MAGEB1: variants seen among roughly 807,000 people sequenced by gnomAD.
MAGEB1 encodes the protein melanoma-associated antigen B1.
For missense variants in MAGEB1, 290 were observed against 286.7 expected (o/e 1.01, Z -0.08); for synonymous variants, 99 against 105.7 (o/e 0.94, Z 0.39).
chrX:30,246,353 A>G (rs561700421), upstream of MAGEB1: 1 of 112,515 alleles, frequency 8.9e-6, no homozygotes, highest in African/African-American at 3.2e-5. Context: ...CTCAGAAAAC[A>G]GGACCTTGAT....
At position 30,250,570 on chromosome X, in the gene MAGEB1, A is replaced by G. The variant is rs140757786; in HGVS notation, c.77A>G (p.Lys26Arg). ...RKAREETQGL[K>R]VAHATAAEKE... ...GCGCGAGAGGAGACCCAGGGTCTCA[A>G]GGTTGCTCACGCCACTGCAGCAGAG... is the stretch of plus-strand genomic sequence containing the variant. The change falls in exon 2 of 2, where the codon AAG (lysine) becomes AGG (arginine). Residue 26 changes from lysine (K) to arginine (R), a missense_variant. Lys to Arg is a conservative substitution (Grantham distance 26). Coordinates refer to ENST00000397548, the MANE Select transcript of MAGEB1 (RefSeq NM_177404.3). 24 of 1,207,462 alleles carry G rather than the reference A, an allele frequency of 2.0e-5. No homozygotes were observed. The African/African-American group carries it at 3.7e-4, about 18-fold the overall frequency.
In MAGEB1 at chrX:30,251,745, A is replaced by G. The variant is rs1355634227; in HGVS notation, c.*208A>G. 11 of 382,252 alleles carry G rather than the reference A, an allele frequency of 2.9e-5. No individual in the cohort carries two copies. The highest frequency in any genetic ancestry group is 5.0e-5 in the Non-Finnish European group (11 of 218,609). The allele number at this position is 382,252 out of a possible 1,213,427, so 31.5% of individuals were successfully genotyped here. Reference sequence around the variant, plus strand: ...TATGAGCGACATGGATCACACATTTATTGGTGCTGCCAGCTTTAAGCATAT... The same window carrying G: ...TATGAGCGACATGGATCACACATTTGTTGGTGCTGCCAGCTTTAAGCATAT... On this transcript the variant is annotated 3_prime_UTR_variant, in exon 2 of 2. Transcript: ENST00000397548.
At chrX:30,248,117 AAG>A (rs1242875457) in intron 1 of MAGEB1, among the ~76,000 whole-genome samples, 1 of 110,670 alleles carries the variant, frequency 9.0e-6, no homozygotes, top group Non-Finnish European at 1.9e-5. Flanking sequence ...GAGTCCCAGA[AAG>A]AGTGCTGAGT....
Position 30,251,467 on chromosome X carries a change from G to A in MAGEB1, c.974G>A (p.Arg325His), listed in dbSNP as rs769417412. Residue 325 changes from arginine (R) to histidine (H), a missense_variant, in exon 2 of 2, where the codon CGT becomes CAT. Physicochemically the swap from Arg to His is conservative, Grantham distance 29. Transcript: ENST00000397548. ...GTCCGATCCAGTGTTAGAGCCAGGC[G>A]TCGCACTACTGCCACGACTTTTAGA... The part of the protein sequence containing the change: ...AQVRSSVRAR[R>H]RTTATTFRAR... 8.3e-6 allele frequency: 10 copies of A among 1,210,062 alleles called. No individual in the cohort carries two copies. The highest frequency in any genetic ancestry group is 5.9e-5 in the East Asian group (2 of 33,778).
At chrX:30,243,913 A>G (rs979838713), upstream of MAGEB1, 12 of 124,521 alleles carry the variant, frequency 9.6e-5, no homozygotes, top group Non-Finnish European at 1.9e-4. Context: ...AAAATGATTT[A>G]TCTTTTCTTT....
chrX:30,250,759 A>G lies in MAGEB1; in HGVS notation c.266A>G (p.Glu89Gly), dbSNP rs956328546. The change falls in exon 2 of 2, where the codon GAA (glutamate) becomes GGA (glycine). Residue 89 changes from glutamate (E) to glycine (G), a missense_variant. Glu to Gly is a moderately conservative substitution (Grantham distance 98). Transcript: ENST00000397548. ...GAAGGTGCCAAATGCCAAGGTGAGG[A>G]AAATGCAAGTTTCTCCCAGGCCACA... ...SDEGAKCQGE[E>G]NASFSQATTS... 5.0e-6 allele frequency: 6 copies of G among 1,210,202 alleles called. No homozygotes were observed. In the Admixed American group the frequency reaches 6.5e-5, roughly 13 times the overall value.
At chrX:30,249,069 G>A (rs1925419433) in intron 1 of MAGEB1, among the ~76,000 whole-genome samples, 1 of 111,299 alleles carries the variant, frequency 9.0e-6, no homozygotes, top group South Asian at 3.9e-4. Context: ...GAAGTACCCA[G>A]ATGTGTCATC....
chrX:30,249,820 A>G (rs1925446944), intron 1 of MAGEB1, among the ~76,000 whole-genome samples: 1 of 110,659 alleles, frequency 9.0e-6, no homozygotes, highest in African/African-American at 3.3e-5. Flanking sequence ...CCCCACCCCA[A>G]ATAGAGGAAA....
chrX:30,251,241 G>A lies in MAGEB1; in HGVS notation c.748G>A (p.Val250Met), dbSNP rs750337676. Residue 250 changes from valine (V) to methionine (M), a missense_variant, in exon 2 of 2, where the codon GTG (valine) becomes ATG (methionine). Coordinates refer to ENST00000397548, the MANE Select transcript of MAGEB1 (RefSeq NM_177404.3). ...EPRKFITQDLVQEKYLKYEQV... is the reference protein window; with the variant it reads ...EPRKFITQDLMQEKYLKYEQV... ...CCGTAAGTTCATCACCCAAGATCTG[G>A]TGCAGGAAAAATATCTGAAGTACGA... The A allele has an allele frequency of 8.2e-7, 1 of 1,212,190 alleles. No homozygotes were observed. The highest frequency in any genetic ancestry group is 3.0e-5 in the East Asian group (1 of 33,858).
Position 30,250,873 on chromosome X carries a change from A to G in MAGEB1, c.380A>G (p.Glu127Gly). The change falls in exon 2 of 2, where the codon GAG (glutamate) becomes GGG (glycine). Residue 127 changes from glutamate to glycine, a missense_variant. Coordinates refer to ENST00000397548, the MANE Select transcript of MAGEB1 (RefSeq NM_177404.3). ...HFILRKYKMR[E>G]PIMKADMLKV... Reference sequence around the variant, plus strand: ...ATTCTACGTAAGTATAAAATGAGAGAGCCCATTATGAAGGCAGATATGCTG... The same window carrying G: ...ATTCTACGTAAGTATAAAATGAGAGGGCCCATTATGAAGGCAGATATGCTG... The G allele has an allele frequency of 8.3e-7, 1 of 1,212,071 alleles. No individual in the cohort carries two copies. Among genetic ancestry groups the G allele is most frequent in the Non-Finnish European group, 1.1e-6 (1 of 895,378 alleles).
In MAGEB1 at chrX:30,250,645, G is replaced by A. The variant is rs1925481926; in HGVS notation, c.152G>A (p.Ser51Asn). The change falls in exon 2 of 2, where the codon AGC becomes AAC. Residue 51 changes from serine (S) to asparagine (N), a missense_variant. Coordinates refer to ENST00000397548, the MANE Select transcript of MAGEB1 (RefSeq NM_177404.3). ...SSPVLGDTPT[S>N]SPAAGIPQKP... ...CCTGTTTTAGGGGATACTCCCACAA[G>A]CTCCCCTGCTGCTGGCATTCCCCAG... is the stretch of plus-strand genomic sequence containing the variant. The A allele has an allele frequency of 1.7e-6, 2 of 1,209,501 alleles. No individual in the cohort carries two copies. Among genetic ancestry groups the A allele is most frequent in the Non-Finnish European group, 2.2e-6 (2 of 894,783 alleles).
chrX:30,247,946 GAAAAA>G (rs57368527), intron 1 of MAGEB1, among the ~76,000 whole-genome samples: 7 of 45,936 alleles, frequency 1.5e-4, no homozygotes, highest in Admixed American at 3.4e-4. Context: ...TCAGTCTCAA[GAAAAA>G]AAAAAAAAAA....
In MAGEB1 at chrX:30,251,807, CT is replaced by C; in HGVS notation, c.*276del. 1.7e-5 allele frequency: 5 copies of C among 289,438 alleles called. No individual in the cohort carries two copies. The highest frequency in any genetic ancestry group is 2.5e-5 in the Non-Finnish European group (4 of 158,747). 23.9% of individuals were successfully genotyped at this position (289,438 alleles called of 1,213,427 possible). ...TTCTATATTTTTCAAATCCTTGAAT[CT>C]TTTTTGGGTTGAAGAAGAAGAAAGC... On this transcript the variant is annotated 3_prime_UTR_variant, in exon 2 of 2. Transcript: ENST00000397548.
At chrX:30,250,199 C>T (rs12006674) in intron 1 of MAGEB1, among the ~76,000 whole-genome samples, 49,531 of 109,667 alleles carry the variant, frequency 0.45, 8,676 homozygotes, top group African/African-American at 0.53. Flanking sequence ...CCAGACCCTT[C>T]CAAGAGTAGA....
upstream of MAGEB1, among the ~76,000 whole-genome samples, chrX:30,245,430 AT>A (rs775526524): frequency 5.5e-3 from 612 of 112,074 alleles, 3 homozygotes; most frequent in Non-Finnish European, 9.9e-3. Flanking sequence ...TATCAAGCTC[AT>A]TTCACAGATG....
Position 30,250,945 on chromosome X carries a change from A to G in MAGEB1, c.452A>G (p.Asn151Ser), listed in dbSNP as rs749004589. The G allele has an allele frequency of 2.6e-5, 32 of 1,209,623 alleles. No homozygotes were observed. The highest frequency in any genetic ancestry group is 8.9e-5 in the East Asian group (3 of 33,753). ...AAGGATCACTTCACTGAGATCCTCAATGGAGCCTCTCGCCGCTTGGAGCTC... is the reference window on the plus strand; with the variant it reads ...AAGGATCACTTCACTGAGATCCTCAGTGGAGCCTCTCGCCGCTTGGAGCTC... ...KYKDHFTEIL[N>S]GASRRLELVF... The change falls in exon 2 of 2, where the codon AAT (asparagine) becomes AGT (serine). Residue 151 changes from asparagine (N) to serine (S), a missense_variant. By Grantham distance (46) the Asn-to-Ser change is conservative. Coordinates refer to ENST00000397548, the MANE Select transcript of MAGEB1 (RefSeq NM_177404.3).
rs1306520432 is a variant in MAGEB1 at position 30,251,519 on chromosome X, G to A, written c.1026G>A (p.Arg342=). ...CGCGTTCTAGAGCCCCATTCAGCAG[G>A]TCCTCCCACCCCATGTGAGAACTCA... ...FRARSRAPFS[R]SSHPM is the part of the protein sequence containing the mutation. Residue 342 remains arginine (R), a synonymous_variant, in exon 2 of 2, where the codon AGG becomes AGA. Transcript: ENST00000397548. The A allele has an allele frequency of 1.7e-6, 2 of 1,204,767 alleles. No homozygotes were observed. The highest frequency in any genetic ancestry group is 2.2e-6 in the Non-Finnish European group (2 of 892,195).
upstream of MAGEB1, among the ~76,000 whole-genome samples, chrX:30,246,826 G>A (rs2147344394): frequency 8.9e-6 from 1 of 111,892 alleles, no homozygotes; most frequent in Non-Finnish European, 1.9e-5. Flanking sequence ...GTCACGGTGA[G>A]GACTCTGAGA....
At chrX:30,246,337 G>A (rs1180729840), upstream of MAGEB1, 1 of 112,195 alleles carries the variant, frequency 8.9e-6, no homozygotes, top group Non-Finnish European at 1.9e-5. Flanking sequence ...AGTACAACTC[G>A]AAATTCTCAG....
Sources: allele counts gnomAD v4.1 joint callset (sites outside exome capture counted in the v4.1 genomes callset), GRCh38; gene constraint gnomAD v4.1.1; transcripts MANE v1.5; gene names NCBI Gene and HGNC (gene_info 2026-07-23, HGNC 2026-07-21).